DTNA: variants seen among roughly 807,000 people sequenced by gnomAD.
DTNA encodes the protein dystrophin-related protein 3.
In DTNA, 43 loss-of-function variants were observed where a neutral mutation model predicts 100.7. The ratio of observed to expected loss-of-function variants is 0.43; its 90% CI spans 0.33 to 0.55. The LOEUF (loss-of-function observed/expected upper bound fraction) is 0.55, where lower values mean the gene tolerates loss of function less well. Ranked by LOEUF, DTNA falls within the 20% of genes least tolerant of loss-of-function variation. The pLI is 0.04. For synonymous variants in DTNA, 349 were observed against 347.9 expected (o/e 1.00, Z -0.04); for missense variants, 798 against 953.9 (o/e 0.84, Z 2.15).
chr18:34,750,814 T>G (rs933667327), intron 1 of DTNA, among the ~76,000 whole-genome samples: 6 of 152,334 alleles, frequency 3.9e-5, no homozygotes, highest in Admixed American at 1.3e-4. Flanking sequence ...AATAGTAATG[T>G]GTATTTATTA....
chr18:34,511,569 A>G (rs1457062697), intron 1 of DTNA, among the ~76,000 whole-genome samples: 1 of 152,052 alleles, frequency 6.6e-6, no homozygotes, highest in African/African-American at 2.4e-5. Flanking sequence ...GGTGAAGAAG[A>G]AAGAAATGTG....
chr18:34,721,182 G>A (rs971729707), intron 1 of DTNA, among the ~76,000 whole-genome samples: 1 of 152,076 alleles, frequency 6.6e-6, no homozygotes, highest in African/African-American at 2.4e-5. Flanking sequence ...GTTTACTAAT[G>A]CATCCTGCTT....
intron 7 of DTNA, chr18:34,817,906 G>A (rs2095631637): frequency 2.3e-6 from 3 of 1,285,992 alleles, no homozygotes; most frequent in Non-Finnish European, 3.0e-6. Context: ...AATAGAAAGA[G>A]CAAATGGCAT....
At chr18:34,603,633 A>C (rs2147261401) in intron 1 of DTNA, among the ~76,000 whole-genome samples, 1 of 152,320 alleles carries the variant, frequency 6.6e-6, no homozygotes, top group South Asian at 2.1e-4. Flanking sequence ...GAGGAATATT[A>C]TCTTTGATAC....
chr18:34,824,246 C>T (rs967935364), intron 9 of DTNA, among the ~76,000 whole-genome samples: 6 of 152,190 alleles, frequency 3.9e-5, no homozygotes, highest in African/African-American at 1.2e-4. Context: ...GAGGCTGAGG[C>T]GGGCGGATCA....
In DTNA at chr18:34,503,103, C is replaced by T. The variant is rs139285327; in HGVS notation, c.-2+9589C>T. Among the ~76,000 whole-genome samples, 8 of 151,752 alleles carry T rather than the reference C, an allele frequency of 5.3e-5. 1 individual carries two copies. The highest frequency in any genetic ancestry group is 1.9e-4 in the African/African-American group (8 of 41,320). ...ATTGACTTTATTATTAAATAATGCCCCTCTCTGTATCTGGTAGTTTTATTT... is the reference window on the plus strand; with the variant it reads ...ATTGACTTTATTATTAAATAATGCCTCTCTCTGTATCTGGTAGTTTTATTT... On this transcript the variant is annotated intron_variant, in intron 1 of 19. Transcript: ENST00000283365.
Position 34,541,695 on chromosome 18 carries a change from T to C in DTNA, c.-2+48181T>C, listed in dbSNP as rs569599474. Among the ~76,000 whole-genome samples, 3 of 152,100 alleles carry C rather than the reference T, an allele frequency of 2.0e-5. No homozygotes were observed. In the South Asian group the frequency reaches 6.2e-4, roughly 32 times the overall value. ...GACTAATACAGGAACATTCAGGAAATAGGTTAGAAAATAAAGGATTTTTCT... is the reference window on the plus strand; with the variant it reads ...GACTAATACAGGAACATTCAGGAAACAGGTTAGAAAATAAAGGATTTTTCT... On this transcript the variant is annotated intron_variant, in intron 1 of 19. Transcript: ENST00000283365.
chr18:34,662,021 ACT>A (rs1568150579), intron 1 of DTNA, among the ~76,000 whole-genome samples: 2 of 151,898 alleles, frequency 1.3e-5, no homozygotes, highest in African/African-American at 2.4e-5. Context: ...CAAGGCACAA[ACT>A]CTTCATTTCA....
rs1280348225 is a variant in DTNA at position 34,858,286 on chromosome 18, GA to G, written c.1537del (p.Ile513SerfsTer10). The G allele has an allele frequency of 6.2e-7, 1 of 1,614,060 alleles. No individual in the cohort carries two copies. The highest frequency in any genetic ancestry group is 1.1e-5 in the South Asian group (1 of 91,060). ...LIAELENKNR[E>X]ILQEIQRLRL... ...CTCACCTTCCTCCTCTCTCCCAAGAGAAATCTTACAGGAGATCCAGAGACTT... is the reference window on the plus strand; with the variant it reads ...CTCACCTTCCTCCTCTCTCCCAAGAGAATCTTACAGGAGATCCAGAGACTT... On this transcript the variant is annotated frameshift_variant and splice_region_variant, in exon 16 of 23. Transcript: ENST00000444659. LOFTEE classifies it high-confidence loss of function.
intron 1 of DTNA, among the ~76,000 whole-genome samples, chr18:34,643,023 G>A (rs2059467229): frequency 6.6e-6 from 1 of 152,184 alleles, no homozygotes; most frequent in Admixed American, 6.5e-5. Context: ...TTAGCAGCAG[G>A]CTACTGCAAA....
chr18:34,705,756 T>C (rs914568778), upstream of DTNA, among the ~76,000 whole-genome samples: 1 of 152,168 alleles, frequency 6.6e-6, no homozygotes, highest in African/African-American at 2.4e-5. Flanking sequence ...TACAAAGATA[T>C]ATTGCTTATA....
chr18:34,642,222 G>C (rs1382018077), intron 1 of DTNA, among the ~76,000 whole-genome samples: 1 of 152,144 alleles, frequency 6.6e-6, no homozygotes, highest in African/African-American at 2.4e-5. Context: ...ATTGAATGTG[G>C]CATCAGGATG....
chr18:34,858,173 TA>T, intron 15 of DTNA, 111 bp from the exon 16 acceptor site: 1 of 1,002,842 alleles, frequency 1.0e-6, no homozygotes. Flanking sequence ...GTTCTGCTCC[TA>T]AACATAGGAT....
intron 1 of DTNA, among the ~76,000 whole-genome samples, chr18:34,622,894 TCTC>T (rs2056758078): frequency 6.6e-6 from 1 of 152,172 alleles, no homozygotes; most frequent in Admixed American, 6.5e-5. Context: ...TCTTGGAACT[TCTC>T]AGCCTCCATA....
intron 1 of DTNA, among the ~76,000 whole-genome samples, chr18:34,570,124 C>G (rs537217028): frequency 1.3e-5 from 2 of 152,126 alleles, no homozygotes; most frequent in Non-Finnish European, 2.9e-5. Context: ...AACTAAATTG[C>G]CAAACTACCC....
intron 1 of DTNA, among the ~76,000 whole-genome samples, chr18:34,507,193 A>T (rs1255619067): frequency 1.3e-5 from 2 of 151,930 alleles, no homozygotes; most frequent in African/African-American, 4.8e-5. Context: ...ATAGTTGGAG[A>T]TTTCCCCCAC....
At position 34,592,029 on chromosome 18, in the gene DTNA, T is replaced by C. The variant is rs117231891; in HGVS notation, c.-2+98515T>C. On this transcript the variant is annotated intron_variant, in intron 1 of 19. Coordinates refer to the DTNA transcript ENST00000283365. Reference sequence around the variant, plus strand: ...AAAGCTTGCTTTCTGGCATCTACGTTTTGCCGTTGAATATTTTTGAGATGT... The same window carrying C: ...AAAGCTTGCTTTCTGGCATCTACGTCTTGCCGTTGAATATTTTTGAGATGT... Among the ~76,000 whole-genome samples the C allele has an allele frequency of 4.2e-3, 638 of 152,226 alleles. 4 individuals carry two copies. Among genetic ancestry groups the C allele is most frequent in the Admixed American group, 7.0e-3 (107 of 15,286 alleles).
intron 1 of DTNA, among the ~76,000 whole-genome samples, chr18:34,497,020 G>A (rs2039316932): frequency 6.6e-6 from 1 of 152,144 alleles, no homozygotes; most frequent in African/African-American, 2.4e-5. Flanking sequence ...TTTTTTTAAA[G>A]CACATGGAAC....
chr18:34,751,666 G>A (rs990516311), intron 1 of DTNA, among the ~76,000 whole-genome samples: 2 of 152,034 alleles, frequency 1.3e-5, no homozygotes, highest in African/African-American at 2.4e-5. Flanking sequence ...GAAAATTCCC[G>A]TTTATCCTTT....
Sources: allele counts gnomAD v4.1 joint callset (sites outside exome capture counted in the v4.1 genomes callset), GRCh38; gene constraint gnomAD v4.1.1; transcripts MANE v1.5; gene names NCBI Gene and HGNC (gene_info 2026-07-23, HGNC 2026-07-21).